EPG5: variants seen among roughly 807,000 people sequenced by gnomAD.
EPG5 encodes ectopic P-granules 5 autophagy tethering factor, also known as ectopic P granules protein 5 homolog.
EPG5 carries 159 observed loss-of-function variants against 302.7 expected under a neutral mutation model. The ratio of observed to expected loss-of-function variants is 0.53; its 90% CI spans 0.46 to 0.60. The LOEUF (loss-of-function observed/expected upper bound fraction) is 0.60. EPG5 is among the 20% of genes least tolerant of loss of function. The pLI is 0.00. For missense variants in EPG5, 2,896 were observed against 3,092.4 expected (o/e 0.94, Z 1.51); for synonymous variants, 1,158 against 1,136.8 (o/e 1.02, Z -0.37).
chr18:45,815,819 C>T, the EPG5 span, among the ~76,000 whole-genome samples: 37 of 152,238 alleles, frequency 2.4e-4, no homozygotes, highest in East Asian at 5.6e-3. Flanking sequence ...CAAAAAAGAG[C>T]CCGCATAGCC....
At chr18:45,948,990 T>C (rs1452617431) in intron 5 of EPG5, among the ~76,000 whole-genome samples, 1 of 152,090 alleles carries the variant, frequency 6.6e-6, no homozygotes, top group African/African-American at 2.4e-5. Flanking sequence ...TTGCTATGAG[T>C]AACAAAATGA....
the EPG5 span, among the ~76,000 whole-genome samples, chr18:45,835,352 T>C: frequency 1.8e-4 from 27 of 152,084 alleles, no homozygotes; most frequent in Admixed American, 1.3e-4. Flanking sequence ...GTATGGTAAT[T>C]AGCTATTTAA....
In EPG5 at chr18:45,934,967, C is replaced by G. The variant is rs2050485985; in HGVS notation, c.2100-1G>C. ...GGACATAAACAGCCAAATGCCAAGT[C>G]TGCATGTAAGCAGGAATCATTTTAT... On this transcript the variant is annotated splice_acceptor_variant, in intron 10 of 43. Coordinates refer to ENST00000282041, the MANE Select transcript of EPG5 (RefSeq NM_020964.3). LOFTEE classifies it high-confidence loss of function. 1 of 1,606,860 alleles carries G rather than the reference C, an allele frequency of 6.2e-7. No individual in the cohort carries two copies. The highest frequency in any genetic ancestry group is 8.5e-7 in the Non-Finnish European group (1 of 1,177,372).
chr18:45,955,964 G>C (rs1465399017), intron 1 of EPG5, among the ~76,000 whole-genome samples: 1 of 152,168 alleles, frequency 6.6e-6, no homozygotes, highest in East Asian at 1.9e-4. Context: ...CATGGTAACT[G>C]CCACAGGTAA....
chr18:45,922,599 A>C lies in EPG5; in HGVS notation c.2840T>G (p.Val947Gly). The change falls in exon 16 of 44, where the codon GTT becomes GGT. Residue 947 changes from valine (V) to glycine (G), a missense_variant and splice_region_variant. By Grantham distance (109) the Val-to-Gly change is moderately radical. Transcript: ENST00000282041. ...AGILSESMKQ[V>G]SYLASIVRYG... ...TCGAACAATACTGGCCAAATATGAA[A>C]CCTAAAACAATTATTTATTTTGAGC... The C allele has an allele frequency of 6.2e-7, 1 of 1,611,528 alleles. No individual in the cohort carries two copies. Among genetic ancestry groups the C allele is most frequent in the Admixed American group, 1.7e-5 (1 of 59,502 alleles).
intron 39 of EPG5, among the ~76,000 whole-genome samples, chr18:45,863,255 G>T (rs1048584583): frequency 1.3e-5 from 2 of 152,086 alleles, no homozygotes; most frequent in Admixed American, 1.3e-4. Flanking sequence ...AACAATCTTT[G>T]TCTTTTAACT....
At chr18:45,942,427 A>G (rs1465781257) in intron 9 of EPG5, among the ~76,000 whole-genome samples, 1 of 151,866 alleles carries the variant, frequency 6.6e-6, no homozygotes, top group African/African-American at 2.4e-5. Flanking sequence ...ATGTGGTGAA[A>G]CCCCGTCTCC....
At chr18:45,865,591 C>A in intron 39 of EPG5, 24 bp downstream of exon 39, 2 of 1,612,444 alleles carry the variant, frequency 1.2e-6, no homozygotes, top group Non-Finnish European at 8.5e-7. Flanking sequence ...TGAATGAATA[C>A]AGGACTTCCG....
At chr18:45,966,308 G>A (rs1217988266) in intron 1 of EPG5, among the ~76,000 whole-genome samples, 2 of 151,016 alleles carry the variant, frequency 1.3e-5, no homozygotes, top group African/African-American at 4.9e-5. Context: ...CCTGGGAGGC[G>A]GAGCTTGCAG....
intron 1 of EPG5, among the ~76,000 whole-genome samples, chr18:45,961,793 G>C (rs2051153761): frequency 6.6e-6 from 1 of 151,530 alleles, no homozygotes; most frequent in Non-Finnish European, 1.5e-5. Context: ...GGGAGGCAAA[G>C]GTTGCAGTCA....
At chr18:45,960,783 A>C (rs1350528305) in intron 1 of EPG5, among the ~76,000 whole-genome samples, 1 of 152,144 alleles carries the variant, frequency 6.6e-6, no homozygotes, top group Non-Finnish European at 1.5e-5. Context: ...ACTCATACAC[A>C]CTTTAAGCAA....
Position 45,912,913 on chromosome 18 carries a change from C to A in EPG5, c.3817-457G>T, listed in dbSNP as rs546806687. Among the ~76,000 whole-genome samples, 6 of 152,130 alleles carry A rather than the reference C, an allele frequency of 3.9e-5. No homozygotes were observed. In the East Asian group the frequency reaches 1.2e-3, roughly 29 times the overall value. On this transcript the variant is annotated intron_variant, in intron 21 of 43. Coordinates refer to ENST00000282041, the MANE Select transcript of EPG5 (RefSeq NM_020964.3). Reference sequence around the variant, plus strand: ...GACCAGCCTGGCCAACACGGCAAAACCTTGTCTCTACTAAAAATAGAAAAA... The same window carrying A: ...GACCAGCCTGGCCAACACGGCAAAAACTTGTCTCTACTAAAAATAGAAAAA...
Position 45,850,737 on chromosome 18 carries a change from T to C in EPG5, c.*1730A>G, listed in dbSNP as rs1190607627. The C allele has an allele frequency of 6.5e-6, 1 of 152,672 alleles. No homozygotes were observed. Among genetic ancestry groups the C allele is most frequent in the Non-Finnish European group, 1.5e-5 (1 of 68,046 alleles). The allele number at this position is 152,672 out of a possible 1,614,324, so 9.5% of individuals were successfully genotyped here. A position where few individuals can be genotyped will look rare whatever the true frequency, so the allele number is the denominator to read the frequency against. Reference sequence around the variant, plus strand: ...ATCATAATTTTCTTTAAAATGTGCATACTGTCACTCAAAAATTTCACATCC... The same window carrying C: ...ATCATAATTTTCTTTAAAATGTGCACACTGTCACTCAAAAATTTCACATCC... On this transcript the variant is annotated 3_prime_UTR_variant, in exon 44 of 44. Coordinates refer to ENST00000282041, the MANE Select transcript of EPG5 (RefSeq NM_020964.3).
intron 34 of EPG5, among the ~76,000 whole-genome samples, chr18:45,877,666 T>C (rs2049002308): frequency 6.6e-6 from 1 of 152,192 alleles, no homozygotes; most frequent in Non-Finnish European, 1.5e-5. Context: ...GCAAAGAGTC[T>C]AGAAACAGAA....
chr18:45,897,418 T>A (rs1054859404), intron 27 of EPG5, among the ~76,000 whole-genome samples: 4 of 152,182 alleles, frequency 2.6e-5, no homozygotes, highest in African/African-American at 7.2e-5. Context: ...CCCCTTTTTT[T>A]ATTAAAACCG....
the EPG5 span, among the ~76,000 whole-genome samples, chr18:45,834,953 C>T: frequency 6.6e-6 from 1 of 152,244 alleles, no homozygotes; most frequent in East Asian, 1.9e-4. Flanking sequence ...CCAGCCAATC[C>T]TTCAGACAGG....
chr18:45,899,428 T>C lies in EPG5; in HGVS notation c.4785A>G (p.Gln1595=). ...ECRGSSGKKC[Q]GAAVVTVQFE... Reference sequence around the variant, plus strand: ...CCTGAACCGTGACAACTGCGGCTCCTTGGCATTTCTTACCGCTGCTGCCTC... The same window carrying C: ...CCTGAACCGTGACAACTGCGGCTCCCTGGCATTTCTTACCGCTGCTGCCTC... Residue 1595 remains glutamine (Q), a synonymous_variant, in exon 27 of 44, where the codon CAA becomes CAG. Transcript: ENST00000282041. 1 of 1,614,188 alleles carries C rather than the reference T, an allele frequency of 6.2e-7. No homozygotes were observed.
intron 1 of EPG5, among the ~76,000 whole-genome samples, chr18:45,964,741 G>A (rs2143939890): frequency 6.6e-6 from 1 of 152,272 alleles, no homozygotes; most frequent in African/African-American, 2.4e-5. Flanking sequence ...GCCGAGGTGG[G>A]CAGATCACCT....
At chr18:45,928,287 G>A (rs2050322362) in intron 13 of EPG5, among the ~76,000 whole-genome samples, 1 of 152,008 alleles carries the variant, frequency 6.6e-6, no homozygotes, top group Admixed American at 6.6e-5. Context: ...TGACTGTGTT[G>A]AGAGTTGCAC....
Sources: allele counts gnomAD v4.1 joint callset (sites outside exome capture counted in the v4.1 genomes callset), GRCh38; gene constraint gnomAD v4.1.1; transcripts MANE v1.5; gene names NCBI Gene and HGNC (gene_info 2026-07-23, HGNC 2026-07-21).